The following KAZN variants were observed in gnomAD, a reference collection of about 807,000 sequenced individuals.
KAZN encodes the protein kazrin, periplakin interacting protein, also known as kazrin.
Under a neutral mutation model 87.4 loss-of-function variants are expected in KAZN, and 40 were observed. That is an observed-to-expected ratio of 0.46 (90% CI 0.36 to 0.60). The LOEUF (loss-of-function observed/expected upper bound fraction) is 0.60. Among genes scored for constraint, KAZN ranks in the 20% least tolerant of loss-of-function variants. The pLI is 0.00. For synonymous variants in KAZN, 466 were observed against 458.3 expected, an observed-to-expected ratio of 1.02 and a Z score of -0.22; for missense variants, 898 against 1,073.9, an observed-to-expected ratio of 0.84 and a Z score of 2.29.
intron 1 of KAZN, among the ~76,000 whole-genome samples, chr1:13,942,548 A>C (rs1265692088): frequency 3.8e-4 from 1 of 2,620 alleles, no homozygotes. Context: ...CTCCGTCTCA[A>C]AAAAAAAAAA....
At chr1:14,340,282 G>A (rs752504792) in intron 2 of KAZN, among the ~76,000 whole-genome samples, 9 of 152,198 alleles carry the variant, frequency 5.9e-5, no homozygotes, top group Non-Finnish European at 1.2e-4. Context: ...AATATTAGTT[G>A]ATTTGGATAT....
chr1:13,936,438 G>A (rs1051439350), intron 1 of KAZN, among the ~76,000 whole-genome samples: 1 of 152,034 alleles, frequency 6.6e-6, no homozygotes, highest in Admixed American at 6.6e-5. Context: ...ATATTGTGTA[G>A]TGGTAAAGTC....
chr1:14,336,533 C>T (rs1002877190), intron 2 of KAZN, among the ~76,000 whole-genome samples: 2 of 152,170 alleles, frequency 1.3e-5, no homozygotes, highest in Non-Finnish European at 2.9e-5. Flanking sequence ...GAGGAATCAC[C>T]AAACTCCTTT....
chr1:14,733,880 C>T (rs2100380885), intron 1 of KAZN, among the ~76,000 whole-genome samples: 1 of 152,316 alleles, frequency 6.6e-6, no homozygotes, highest in African/African-American at 2.4e-5. Flanking sequence ...ATGGGATCTC[C>T]CTCCTTGCCC....
chr1:13,981,554 A>G (rs1326864859), intron 1 of KAZN, among the ~76,000 whole-genome samples: 4 of 152,160 alleles, frequency 2.6e-5, no homozygotes, highest in South Asian at 2.1e-4. Flanking sequence ...TGAACATTCT[A>G]TAGATTCCTG....
At chr1:14,209,520 T>A (rs1646811310) in intron 2 of KAZN, among the ~76,000 whole-genome samples, 1 of 152,204 alleles carries the variant, frequency 6.6e-6, no homozygotes, top group Non-Finnish European at 1.5e-5. Flanking sequence ...TGCATTTTCT[T>A]TTATAGAGAT....
chr1:15,002,217 T>C (rs1393645829), intron 2 of KAZN, among the ~76,000 whole-genome samples: 1 of 152,194 alleles, frequency 6.6e-6, no homozygotes, highest in Non-Finnish European at 1.5e-5. Context: ...AGTCCTGTTC[T>C]TTCTCCCAGC....
intron 1 of KAZN, among the ~76,000 whole-genome samples, chr1:14,916,295 G>C (rs1373425629): frequency 2.0e-5 from 3 of 147,566 alleles, no homozygotes; most frequent in Non-Finnish European, 4.4e-5. Flanking sequence ...TCAGCCTCCC[G>C]AGCAGCTGGG....
At chr1:14,410,656 A>G (rs1447578525) in intron 2 of KAZN, among the ~76,000 whole-genome samples, 1 of 152,212 alleles carries the variant, frequency 6.6e-6, no homozygotes, top group African/African-American at 2.4e-5. Context: ...GGCCCTGAAT[A>G]CAATCAGAAC....
intron 1 of KAZN, among the ~76,000 whole-genome samples, chr1:14,873,531 G>A (rs1032443892): frequency 2.0e-5 from 3 of 152,202 alleles, no homozygotes; most frequent in African/African-American, 7.2e-5. Context: ...AAGAAGGCTA[G>A]CATGGCTAAA....
intron 2 of KAZN, among the ~76,000 whole-genome samples, chr1:14,365,217 T>C (rs1477303627): frequency 2.0e-5 from 3 of 151,944 alleles, no homozygotes; most frequent in Non-Finnish European, 4.4e-5. Flanking sequence ...CTAATTTTGT[T>C]TTTGTATTTT....
intron 1 of KAZN, among the ~76,000 whole-genome samples, chr1:14,731,940 G>C (rs1406844234): frequency 6.6e-6 from 1 of 152,242 alleles, no homozygotes; most frequent in African/African-American, 2.4e-5. Flanking sequence ...CTGTGCTCAA[G>C]AAGCGACAGA....
At chr1:14,229,156 G>A (rs1439154537) in intron 2 of KAZN, among the ~76,000 whole-genome samples, 1 of 152,026 alleles carries the variant, frequency 6.6e-6, no homozygotes, top group Non-Finnish European at 1.5e-5. Flanking sequence ...ATTGCACCAC[G>A]AACGGCAAAA....
At chr1:14,317,603 T>A (rs78803833) in intron 2 of KAZN, among the ~76,000 whole-genome samples, 1 of 151,892 alleles carries the variant, frequency 6.6e-6, no homozygotes, top group African/African-American at 2.4e-5. Context: ...TTTTTTTCCC[T>A]TTTTTTCTCC....
intron 2 of KAZN, among the ~76,000 whole-genome samples, chr1:14,520,314 G>A (rs1467232520): frequency 2.0e-5 from 3 of 152,134 alleles, no homozygotes; most frequent in Non-Finnish European, 2.9e-5. Flanking sequence ...GCCCAATGGA[G>A]GAGACAGACC....
At chr1:14,257,645 G>C (rs1265410669) in intron 2 of KAZN, among the ~76,000 whole-genome samples, 4 of 149,872 alleles carry the variant, frequency 2.7e-5, no homozygotes, top group Non-Finnish European at 5.9e-5. Flanking sequence ...ATTGATTTTT[G>C]TATAAGATGT....
At chr1:14,327,875 T>C (rs1656554546) in intron 2 of KAZN, among the ~76,000 whole-genome samples, 1 of 152,200 alleles carries the variant, frequency 6.6e-6, no homozygotes, top group South Asian at 2.1e-4. Flanking sequence ...TACATGAGAA[T>C]GCTTAAAGAA....
intron 2 of KAZN, among the ~76,000 whole-genome samples, chr1:14,570,392 C>T (rs896153022): frequency 2.0e-5 from 3 of 152,214 alleles, no homozygotes; most frequent in African/African-American, 7.2e-5. Context: ...TACCCTCCTC[C>T]TCCTCCCAAT....
At position 13,973,329 on chromosome 1, in the gene KAZN, C is replaced by T. The variant is rs530823103; in HGVS notation, c.91+79573C>T. The stretch of plus-strand genomic sequence containing the variant: ...GCCCTTCTCCACCCTGCTTTATTCC[C>T]TAGGAGGCTGACCCCTGTGGACCTC... On this transcript the variant is annotated intron_variant, in intron 1 of 16. Transcript: ENST00000636203. Among the ~76,000 whole-genome samples, 18 of 152,290 alleles carry T rather than the reference C, an allele frequency of 1.2e-4. No homozygotes were observed. The South Asian group carries it at 1.7e-3, about 14-fold the overall frequency.
Sources: allele counts gnomAD v4.1 joint callset (sites outside exome capture counted in the v4.1 genomes callset), GRCh38; gene constraint gnomAD v4.1.1; transcripts MANE v1.5; gene names NCBI Gene and HGNC (gene_info 2026-07-23, HGNC 2026-07-21).